SGO1: variants seen among roughly 807,000 people sequenced by gnomAD.
The protein encoded by SGO1 is shugoshin 1.
Under a neutral mutation model 50.5 loss-of-function variants are expected in SGO1, and 39 were observed. The observed-to-expected ratio is 0.77, with a 90% CI of 0.60 to 1.01. The LOEUF (loss-of-function observed/expected upper bound fraction) is 1.01, where lower values mean the gene tolerates loss of function less well. Among genes scored for constraint, SGO1 ranks in the 50% least tolerant of loss-of-function variants. SGO1 has a pLI of 0.00. For missense variants in SGO1, 638 were observed against 606.0 expected, an observed-to-expected ratio of 1.05 and a Z score of -0.55; for synonymous variants, 191 against 205.1, an observed-to-expected ratio of 0.93 and a Z score of 0.59.
chr3:20,162,578 T>C (rs1408889271), intron 8 of SGO1, among the ~76,000 whole-genome samples: 1 of 152,096 alleles, frequency 6.6e-6, no homozygotes, highest in Non-Finnish European at 1.5e-5. Flanking sequence ...TTTAAAAAGT[T>C]ACAAGATATA....
chr3:20,166,842 CAAAAAAAA>C (rs58288144), downstream of SGO1, among the ~76,000 whole-genome samples: 14 of 42,734 alleles, frequency 3.3e-4, no homozygotes, highest in African/African-American at 1.3e-3. Flanking sequence ...CCATCTCTAC[CAAAAAAAA>C]AAAAAAAAAA....
chr3:20,185,924 G>T (rs978851141), intron 1 of SGO1, 24 bp downstream of exon 1: 2 of 152,140 alleles, frequency 1.3e-5, no homozygotes, highest in Non-Finnish European at 1.5e-5. Context: ...GTCAAACAGG[G>T]ATCACTACGC....
chr3:20,184,015 T>C lies in SGO1; in HGVS notation c.13A>G (p.Arg5Gly), dbSNP rs762126512. MAKE[R>G]CLKKSFQDSL... ...TCTTGAAAGGACTTTTTCAGGCATC[T>C]TTCCTTGGCCATCTTTTGCCTAAAC... The change falls in exon 2 of 8, where the codon AGA (arginine) becomes GGA (glycine). Residue 5 changes from arginine (R) to glycine (G), a missense_variant. Transcript: ENST00000412997. 5.1e-6 allele frequency: 8 copies of C among 1,579,458 alleles called. No homozygotes were observed. The highest frequency in any genetic ancestry group is 6.8e-6 in the Non-Finnish European group (8 of 1,169,744).
At chr3:20,162,958 CAT>C (rs1700115667) in intron 8 of SGO1, among the ~76,000 whole-genome samples, 1 of 151,738 alleles carries the variant, frequency 6.6e-6, no homozygotes, top group Admixed American at 6.6e-5. Flanking sequence ...TAAATGACAA[CAT>C]ATAAAAATCT....
At chr3:20,181,119 T>C (rs756800089) in intron 3 of SGO1, among the ~76,000 whole-genome samples, 4 of 152,196 alleles carry the variant, frequency 2.6e-5, no homozygotes, top group Non-Finnish European at 4.4e-5. Flanking sequence ...ATCACACCAC[T>C]GCACCCCAGG....
At chr3:20,168,676 T>C (rs1166127599), downstream of SGO1, among the ~76,000 whole-genome samples, 24 of 148,966 alleles carry the variant, frequency 1.6e-4, no homozygotes, top group Admixed American at 1.6e-3. Flanking sequence ...GGAGTCTCGC[T>C]CTGTCACCCA....
chr3:20,162,493 C>CG (rs1386452577), intron 8 of SGO1, among the ~76,000 whole-genome samples: 4 of 151,994 alleles, frequency 2.6e-5, no homozygotes, highest in Admixed American at 1.3e-4. Context: ...CCTGACAAAA[C>CG]GAAGTTAACT....
At chr3:20,186,311 A>G (rs538791687), upstream of SGO1, 3 of 152,234 alleles carry the variant, frequency 2.0e-5, no homozygotes, top group African/African-American at 4.8e-5. Flanking sequence ...CCGCCAGGCG[A>G]CGTCACGTGA....
downstream of SGO1, among the ~76,000 whole-genome samples, chr3:20,167,114 CAAAT>C (rs1448149051): frequency 1.3e-5 from 2 of 152,130 alleles, no homozygotes; most frequent in African/African-American, 4.8e-5. Context: ...TAAAGCTAAA[CAAAT>C]AAAGCAATGC....
chr3:20,183,847 T>C, intron 2 of SGO1, 39 bp downstream of exon 2: 1 of 1,606,410 alleles, frequency 6.2e-7, no homozygotes, highest in East Asian at 2.2e-5. Context: ...AAATCTAAAC[T>C]TAAAAGTGAT....
chr3:20,164,517 C>T (rs11707999), downstream of SGO1, among the ~76,000 whole-genome samples: 2,219 of 152,160 alleles, frequency 0.015, 21 homozygotes, highest in Middle Eastern at 0.037. Context: ...CTCCCAAAGT[C>T]GAGAAAAAGG....
intron 8 of SGO1, among the ~76,000 whole-genome samples, chr3:20,163,336 G>A (rs1167961821): frequency 6.6e-6 from 1 of 152,036 alleles, no homozygotes; most frequent in Non-Finnish European, 1.5e-5. Flanking sequence ...GATTTTCAAT[G>A]TGAAAATAAA....
intron 8 of SGO1, among the ~76,000 whole-genome samples, chr3:20,164,378 T>TA (rs989429375): frequency 2.0e-5 from 3 of 151,602 alleles, no homozygotes; most frequent in African/African-American, 7.3e-5. Context: ...CACTCAAGAT[T>TA]AAAAAAAGAA....
chr3:20,170,965 T>C, intron 7 of SGO1, 78 bp downstream of exon 7: 1 of 1,482,156 alleles, frequency 6.7e-7, no homozygotes, highest in Non-Finnish European at 9.0e-7. Context: ...AAAAAACTCA[T>C]TCTTGAACAA....
intron 3 of SGO1, among the ~76,000 whole-genome samples, chr3:20,181,248 G>A (rs985882401): frequency 2.6e-5 from 4 of 152,050 alleles, no homozygotes; most frequent in African/African-American, 9.7e-5. Context: ...AAATAAAAAA[G>A]AACATTTAAC....
rs1559349939 is a variant in SGO1, at chr3:20,170,448, C to T, written c.*256G>A. 9.6e-7 allele frequency: 1 copy of T among 1,045,026 alleles called. No homozygotes were observed. Among genetic ancestry groups the T allele is most frequent in the Non-Finnish European group, 1.1e-6 (1 of 869,684 alleles). The allele number at this position is 1,045,026 out of a possible 1,614,324, so 64.7% of individuals were successfully genotyped here. On this transcript the variant is annotated 3_prime_UTR_variant, in exon 8 of 8. Coordinates refer to ENST00000412997, the MANE Select transcript of SGO1 (RefSeq NM_001199251.3). ...GACTAAAATTAAGAGGTTTAGGCAG[C>T]ATAAGAAATCGATATGATGATAATG...
chr3:20,170,569 AT>A lies in SGO1; in HGVS notation c.*134del. 7.6e-7 allele frequency: 1 copy of A among 1,314,328 alleles called. No individual in the cohort carries two copies. The highest frequency in any genetic ancestry group is 3.1e-5 in the East Asian group (1 of 32,012). 81.4% of individuals were successfully genotyped at this position (1,314,328 alleles called of 1,614,324 possible). A position where few individuals can be genotyped will look rare whatever the true frequency, so the allele number is the denominator to read the frequency against. On this transcript the variant is annotated 3_prime_UTR_variant, in exon 8 of 8. Transcript: ENST00000412997. ...CCATTTGAAGTATAGTTCTGAAGAA[AT>A]GTTTATGAGCTAGGGTCCTGTCAAG...
At chr3:20,164,994 C>G (rs1319380839), downstream of SGO1, among the ~76,000 whole-genome samples, 1 of 152,072 alleles carries the variant, frequency 6.6e-6, no homozygotes, top group Non-Finnish European at 1.5e-5. Context: ...ATCAAAATGA[C>G]ATAAAGAAAA....
At chr3:20,166,733 T>C (rs1251702209), downstream of SGO1, among the ~76,000 whole-genome samples, 1 of 150,314 alleles carries the variant, frequency 6.7e-6, no homozygotes, top group South Asian at 2.1e-4. Flanking sequence ...TGGTCAGGTG[T>C]GGTGGCTCAT....
Sources: gnomAD v4.1 joint callset for allele counts (sites outside exome capture counted in the v4.1 genomes callset) on GRCh38, gnomAD v4.1.1 for gene constraint, MANE v1.5 for transcripts, NCBI Gene and HGNC (gene_info 2026-07-23, HGNC 2026-07-21) for gene names.